Variants in SMOC2 observed in about 807,000 individuals in gnomAD.
SMOC2 encodes SPARC-related modular calcium-binding protein 2.
In SMOC2, 39 loss-of-function variants were observed where a neutral mutation model predicts 61.4. The ratio of observed to expected loss-of-function variants is 0.64; its 90% CI spans 0.49 to 0.83. SMOC2 has a LOEUF of 0.83. Among genes scored for constraint, SMOC2 ranks in the 40% least tolerant of loss-of-function variants. SMOC2 has a pLI of 0.00. For synonymous variants in SMOC2, 247 were observed against 239.9 expected (o/e 1.03, Z -0.27); for missense variants, 556 against 592.9 (o/e 0.94, Z 0.65).
At chr6:168,490,138 A>G (rs1782439058) in intron 1 of SMOC2, among the ~76,000 whole-genome samples, 1 of 150,904 alleles carries the variant, frequency 6.6e-6, no homozygotes, top group African/African-American at 2.4e-5. Context: ...AATATATCAA[A>G]TCGTCTGGGT....
At chr6:168,569,342 G>A (rs1042596025) in intron 7 of SMOC2, among the ~76,000 whole-genome samples, 6 of 152,072 alleles carry the variant, frequency 3.9e-5, no homozygotes, top group Middle Eastern at 3.4e-3. Context: ...ATAGGGTGTC[G>A]GTTCAGATAT....
At chr6:168,659,617 G>A (rs1401797827) in intron 11 of SMOC2, among the ~76,000 whole-genome samples, 1 of 118,408 alleles carries the variant, frequency 8.4e-6, no homozygotes, top group African/African-American at 3.1e-5. Flanking sequence ...GAGGTTGTAG[G>A]CTGAGTGAGG....
At position 168,475,031 on chromosome 6, in the gene SMOC2, T is replaced by C. The variant is rs565862781; in HGVS notation, c.84+33577T>C. ...TTTGAGGAGAAAGAAGAAAAAAGAA[T>C]GTAAGGTCGTTGTGGCTGTAGCTTC... On this transcript the variant is annotated intron_variant, in intron 1 of 12. Coordinates refer to ENST00000356284, the MANE Select transcript of SMOC2 (RefSeq NM_001166412.2). The surrounding 1 kb of genome is among the most constrained non-coding windows in gnomAD (Gnocchi z 4.6). 8.5e-5 allele frequency among the ~76,000 whole-genome samples: 13 copies of C among 152,090 alleles called. No individual in the cohort carries two copies. Among genetic ancestry groups the C allele is most frequent in the Non-Finnish European group, 1.8e-4 (12 of 67,988 alleles).
At chr6:168,570,424 A>C (rs879527552) in intron 7 of SMOC2, among the ~76,000 whole-genome samples, 1 of 152,156 alleles carries the variant, frequency 6.6e-6, no homozygotes. Context: ...CTAGAAGACT[A>C]GGAAAGAATG....
intron 11 of SMOC2, among the ~76,000 whole-genome samples, chr6:168,663,426 G>T (rs1310779904): frequency 6.6e-6 from 1 of 152,196 alleles, no homozygotes; most frequent in East Asian, 1.9e-4. Context: ...TCTTGTTGGG[G>T]CATTGCTGAT....
At chr6:168,602,633 G>A (rs114208748) in intron 8 of SMOC2, among the ~76,000 whole-genome samples, 5 of 152,186 alleles carry the variant, frequency 3.3e-5, no homozygotes, top group African/African-American at 4.8e-5. Context: ...CCACAGCCAC[G>A]TGGAGCAGGG....
chr6:168,584,209 C>T (rs1423011193), intron 7 of SMOC2, among the ~76,000 whole-genome samples: 1 of 152,248 alleles, frequency 6.6e-6, no homozygotes. Flanking sequence ...GCAGGTATTA[C>T]AGTCGGCTGG....
chr6:168,523,323 C>T (rs1160648791), intron 2 of SMOC2, among the ~76,000 whole-genome samples: 1 of 149,480 alleles, frequency 6.7e-6, no homozygotes, highest in Non-Finnish European at 1.5e-5. Context: ...CTCCTGACCT[C>T]AAGATCCACC....
At position 168,543,607 on chromosome 6, in the gene SMOC2, C is replaced by T. The variant is rs1783922221; in HGVS notation, c.464-18C>T. ...AGTCCAAAATAATTTCATTTCACTC[C>T]TTATTTTCCTCTTTTAGGTTCCGTA... On this transcript the variant is annotated intron_variant, in intron 4 of 12. Coordinates refer to ENST00000356284, the MANE Select transcript of SMOC2 (RefSeq NM_001166412.2). 1.2e-6 allele frequency: 2 copies of T among 1,610,670 alleles called. No homozygotes were observed. The highest frequency in any genetic ancestry group is 2.2e-5 in the South Asian group (2 of 90,638).
chr6:168,479,817 C>A (rs1782168527), intron 1 of SMOC2, among the ~76,000 whole-genome samples: 1 of 152,186 alleles, frequency 6.6e-6, no homozygotes, highest in African/African-American at 2.4e-5. Flanking sequence ...ATTGTCCCAA[C>A]CCTTGCCTCC....
chr6:168,591,111 C>T (rs1184218852), intron 7 of SMOC2, among the ~76,000 whole-genome samples: 1 of 152,100 alleles, frequency 6.6e-6, no homozygotes, highest in Non-Finnish European at 1.5e-5. Context: ...AATCATGTTT[C>T]TATAAAACAA....
chr6:168,471,525 A>G (rs1186350762), intron 1 of SMOC2, among the ~76,000 whole-genome samples: 1 of 152,216 alleles, frequency 6.6e-6, no homozygotes, highest in Middle Eastern at 3.2e-3. Flanking sequence ...TATGGACATG[A>G]GTATCTCTTC....
At chr6:168,653,571 C>CACCT (rs1238225993) in intron 11 of SMOC2, among the ~76,000 whole-genome samples, 1 of 152,028 alleles carries the variant, frequency 6.6e-6, no homozygotes, top group Non-Finnish European at 1.5e-5. Flanking sequence ...ACCAACCCTG[C>CACCT]ACCTGAGCTC....
intron 1 of SMOC2, among the ~76,000 whole-genome samples, chr6:168,458,987 C>T (rs944372860): frequency 1.3e-5 from 2 of 152,132 alleles, no homozygotes. Context: ...AGTGTGGAAA[C>T]GTGGTCATAA....
intron 4 of SMOC2, among the ~76,000 whole-genome samples, chr6:168,530,756 C>T (rs1366203882): frequency 6.6e-6 from 1 of 150,618 alleles, no homozygotes; most frequent in Non-Finnish European, 1.5e-5. Flanking sequence ...CCCTTTGCAA[C>T]ATCAGTTTGC....
intron 8 of SMOC2, 127 bp downstream of exon 8, chr6:168,599,131 C>G: frequency 3.6e-6 from 3 of 838,584 alleles, no homozygotes; most frequent in Non-Finnish European, 5.5e-6. Flanking sequence ...CACACTCACA[C>G]ACACTGATAC....
At chr6:168,520,920 G>T (rs1783314794) in intron 2 of SMOC2, among the ~76,000 whole-genome samples, 1 of 152,200 alleles carries the variant, frequency 6.6e-6, no homozygotes, top group African/African-American at 2.4e-5. Context: ...TTTTCTCAAA[G>T]ATCCCTTTTA....
In SMOC2 at chr6:168,476,279, C is replaced by A. The variant is rs543642986; in HGVS notation, c.85-33636C>A. Among the ~76,000 whole-genome samples, 236 of 152,188 alleles carry A rather than the reference C, an allele frequency of 1.6e-3. 1 individual carries two copies. The highest frequency in any genetic ancestry group is 2.7e-3 in the Non-Finnish European group (183 of 67,994). ...TTCGTGATATATAGTTAATCAATCA[C>A]TCACTAGTTAATCACTGAGTAGACG... On this transcript the variant is annotated intron_variant, in intron 1 of 12. Coordinates refer to ENST00000356284, the MANE Select transcript of SMOC2 (RefSeq NM_001166412.2).
chr6:168,491,522 A>C (rs1166399475), intron 1 of SMOC2, among the ~76,000 whole-genome samples: 1 of 152,144 alleles, frequency 6.6e-6, no homozygotes, highest in Non-Finnish European at 1.5e-5. Flanking sequence ...TTTGGGATCA[A>C]TTCAGCTGTA....
Sources: allele counts gnomAD v4.1 joint callset (sites outside exome capture counted in the v4.1 genomes callset), GRCh38; gene constraint gnomAD v4.1.1; non-coding constraint Gnocchi (gnomAD v3.1); transcripts MANE v1.5; gene names NCBI Gene and HGNC (gene_info 2026-07-23, HGNC 2026-07-21).